Variants in NUP155 observed in about 807,000 individuals in gnomAD.
NUP155 encodes the protein nuclear pore complex protein Nup155.
A neutral mutation model predicts 180.4 loss-of-function variants in NUP155; 71 were observed. That is an observed-to-expected ratio of 0.39 (90% CI 0.33 to 0.48). The LOEUF (loss-of-function observed/expected upper bound fraction) is 0.48. NUP155 is among the 20% of genes least tolerant of loss of function. The pLI is 0.91. For missense variants in NUP155, 1,553 were observed against 1,648.9 expected (o/e 0.94, Z 1.01); for synonymous variants, 582 against 559.5 (o/e 1.04, Z -0.57).
intron 20 of NUP155, 31 bp downstream of exon 20, chr5:37,323,961 A>C (rs1318191750): frequency 7.2e-7 from 1 of 1,398,370 alleles, no homozygotes; most frequent in Non-Finnish European, 1.0e-6. Context: ...GAAAAGAAAA[A>C]GATGAATTAA....
intron 18 of NUP155, among the ~76,000 whole-genome samples, chr5:37,326,496 G>A (rs911492895): frequency 6.6e-6 from 1 of 152,172 alleles, no homozygotes; most frequent in East Asian, 1.9e-4. Context: ...GAATAAGGCG[G>A]AAAAGTGCAT....
intron 28 of NUP155, 36 bp downstream of exon 28, chr5:37,303,224 T>G: frequency 6.2e-7 from 1 of 1,609,960 alleles, no homozygotes; most frequent in Non-Finnish European, 8.5e-7. Flanking sequence ...AGCTCAGTTT[T>G]GAATCATTCT....
intron 1 of NUP155, among the ~76,000 whole-genome samples, chr5:37,368,671 T>A (rs953579131): frequency 6.6e-6 from 1 of 151,696 alleles, no homozygotes; most frequent in Non-Finnish European, 1.5e-5. Context: ...AATAGAAAAA[T>A]GAGCCAGTGG....
At chr5:37,357,461 AT>A (rs1215635903) in intron 4 of NUP155, among the ~76,000 whole-genome samples, 1 of 151,424 alleles carries the variant, frequency 6.6e-6, no homozygotes, top group Non-Finnish European at 1.5e-5. Context: ...AGACACTAAA[AT>A]TTTTCTTAAC....
rs916155231 is a variant in NUP155 at position 37,289,873 on chromosome 5, GAATT to G, written c.*2023_*2026del. On this transcript the variant is annotated 3_prime_UTR_variant, in exon 35 of 35. Coordinates refer to ENST00000231498, the MANE Select transcript of NUP155 (RefSeq NM_153485.3). ...TGACAGAATTTTAAATTTATAAAACGAATTAATGTATCGCATACATTCACTTTAC... is the reference window on the plus strand; with the variant it reads ...TGACAGAATTTTAAATTTATAAAACGAATGTATCGCATACATTCACTTTAC... 1.3e-5 allele frequency: 2 copies of G among 152,040 alleles called. No individual in the cohort carries two copies. Among genetic ancestry groups the G allele is most frequent in the Admixed American group, 1.3e-4 (2 of 15,260 alleles). The allele number at this position is 152,040 out of a possible 1,614,324, so 9.4% of individuals were successfully genotyped here. A position where few individuals can be genotyped will look rare whatever the true frequency, so the allele number is the denominator to read the frequency against.
At chr5:37,299,893 T>C (rs62354993) in intron 30 of NUP155, among the ~76,000 whole-genome samples, 1 of 148,910 alleles carries the variant, frequency 6.7e-6, no homozygotes, top group African/African-American at 2.5e-5. Context: ...AAAAAAAAAT[T>C]AGCTGGGCAT....
Position 37,292,917 on chromosome 5 carries a change from T to A in NUP155, c.3999A>T (p.Arg1333Ser). ...AAACTTGGCTGGGATTCTCAACATA[T>A]CTTATCAATAATACATGTATACAAT... ...LLDCIHVLLI[R>S]YVENPSQVLN... Residue 1333 changes from arginine to serine, a missense_variant, in exon 34 of 35, where the codon AGA becomes AGT. Coordinates refer to ENST00000231498, the MANE Select transcript of NUP155 (RefSeq NM_153485.3). The A allele has an allele frequency of 6.2e-7, 1 of 1,612,260 alleles. No individual in the cohort carries two copies. Among genetic ancestry groups the A allele is most frequent in the Non-Finnish European group, 8.5e-7 (1 of 1,178,700 alleles).
rs1055667613 is a variant in NUP155 at position 37,343,960 on chromosome 5, G to A, written c.996-1314C>T. On this transcript the variant is annotated intron_variant, in intron 9 of 34. Coordinates refer to ENST00000231498, the MANE Select transcript of NUP155 (RefSeq NM_153485.3). ...ATTTGGTTAAAATCACCTCAATGAAGCTTTCAACAGTGAGAAAACTGCTAT... is the reference window on the plus strand; with the variant it reads ...ATTTGGTTAAAATCACCTCAATGAAACTTTCAACAGTGAGAAAACTGCTAT... Among the ~76,000 whole-genome samples the A allele has an allele frequency of 9.2e-5, 14 of 152,078 alleles. No homozygotes were observed. The East Asian group carries it at 2.7e-3, about 29-fold the overall frequency.
intron 34 of NUP155, 37 bp from the exon 35 acceptor site, chr5:37,292,075 A>G (rs980367374): frequency 6.2e-7 from 1 of 1,609,458 alleles, no homozygotes; most frequent in Non-Finnish European, 8.5e-7. Context: ...TTATACATTT[A>G]CAAACATTTC....
In NUP155 at chr5:37,335,651, C is replaced by T. The variant is rs1745282672; in HGVS notation, c.1348-2018G>A. Among the ~76,000 whole-genome samples the T allele has an allele frequency of 2.0e-5, 3 of 151,934 alleles. No individual in the cohort carries two copies. In the South Asian group the frequency reaches 6.2e-4, roughly 32 times the overall value. On this transcript the variant is annotated intron_variant, in intron 12 of 34. Transcript: ENST00000231498. ...TGTTTTCTTACAAACCATATAATAA[C>T]ATTTAAAAATGTTATTGGCTGGACG...
At chr5:37,302,253 G>A (rs902393769) in intron 29 of NUP155, among the ~76,000 whole-genome samples, 3 of 152,088 alleles carry the variant, frequency 2.0e-5, no homozygotes, top group Non-Finnish European at 4.4e-5. Flanking sequence ...TATTTTTTGA[G>A]ACAGAGTCTC....
chr5:37,343,844 T>C (rs1034999438), intron 9 of NUP155, among the ~76,000 whole-genome samples: 1 of 151,738 alleles, frequency 6.6e-6, no homozygotes, highest in African/African-American at 2.4e-5. Context: ...TGAGCTGAGA[T>C]CACGTCACTG....
chr5:37,356,256 T>G (rs987414280), intron 4 of NUP155, among the ~76,000 whole-genome samples: 1 of 151,600 alleles, frequency 6.6e-6, no homozygotes, highest in East Asian at 1.9e-4. Flanking sequence ...AATAGAGATT[T>G]GGCATTATGA....
intron 13 of NUP155, 74 bp downstream of exon 13, chr5:37,333,389 C>T (rs1322427265): frequency 1.6e-6 from 2 of 1,251,758 alleles, no homozygotes; most frequent in African/African-American, 1.5e-5. Context: ...AATTAAGCCA[C>T]TACTTCAGAG....
chr5:37,350,073 TAAG>T, intron 7 of NUP155, 84 bp downstream of exon 7: 1 of 933,552 alleles, frequency 1.1e-6, no homozygotes, highest in Non-Finnish European at 1.8e-6. Context: ...TTGTTTCAAT[TAAG>T]AATGATAATT....
chr5:37,370,111 C>A (rs1747862936), intron 1 of NUP155, among the ~76,000 whole-genome samples: 1 of 152,202 alleles, frequency 6.6e-6, no homozygotes, highest in South Asian at 2.1e-4. Flanking sequence ...TGGCTTGCGC[C>A]TGTAATCCCA....
At chr5:37,332,096 C>T (rs1745002132) in intron 13 of NUP155, among the ~76,000 whole-genome samples, 1 of 149,636 alleles carries the variant, frequency 6.7e-6, no homozygotes, top group South Asian at 2.1e-4. Context: ...CCCGGCAAAG[C>T]TGCCCCTTAA....
At chr5:37,357,399 CAAAAAAAAAAAA>C (rs397997409) in intron 4 of NUP155, among the ~76,000 whole-genome samples, 2 of 31,296 alleles carry the variant, frequency 6.4e-5, no homozygotes, top group Non-Finnish European at 1.0e-4. Context: ...ACCTTAATCT[CAAAAAAAAAAAA>C]AAAAAAAAAA....
At chr5:37,325,868 C>A in intron 19 of NUP155, 33 bp downstream of exon 19, 1 of 1,423,704 alleles carries the variant, frequency 7.0e-7, no homozygotes, top group Non-Finnish European at 9.9e-7. Flanking sequence ...ACTGGCTACA[C>A]AAAAATAACA....
Sources: allele counts gnomAD v4.1 joint callset (sites outside exome capture counted in the v4.1 genomes callset), GRCh38; gene constraint gnomAD v4.1.1; transcripts MANE v1.5; gene names NCBI Gene and HGNC (gene_info 2026-07-23, HGNC 2026-07-21).